The following ADGRL3 variants were observed in gnomAD, a reference collection of about 807,000 sequenced individuals.
ADGRL3 encodes the protein calcium-independent alpha-latrotoxin receptor 3.
Under a neutral mutation model 153.5 loss-of-function variants are expected in ADGRL3, and 62 were observed. The observed-to-expected ratio is 0.40, with a 90% CI of 0.33 to 0.50. The LOEUF (loss-of-function observed/expected upper bound fraction) is 0.50, where lower values mean the gene tolerates loss of function less well. ADGRL3 is among the 20% of genes least tolerant of loss of function. The probability of loss-of-function intolerance (pLI) is 0.47; values close to 1 mark genes in which losing one functional copy is unlikely to be tolerated. For missense variants in ADGRL3, 1,641 were observed against 1,859.4 expected (o/e 0.88, Z 2.16); for synonymous variants, 710 against 672.5 (o/e 1.06, Z -0.86).
Position 62,045,201 on chromosome 4 carries a change from C to A in ADGRL3, c.3814+652C>A, listed in dbSNP as rs558910730. ...ACTTTTTTTCCTTGATCTTTGCATT[C>A]TCTCTCTCTCCCTTTCTCTGTCTCT... On this transcript the variant is annotated intron_variant, in intron 25 of 26. Transcript: ENST00000683033. Among the ~76,000 whole-genome samples, 29 of 151,622 alleles carry A rather than the reference C, an allele frequency of 1.9e-4. 1 individual carries two copies. The East Asian group carries it at 5.4e-3, about 28-fold the overall frequency.
chr4:61,681,825 AT>A (rs1346626882), intron 6 of ADGRL3, among the ~76,000 whole-genome samples: 2 of 152,096 alleles, frequency 1.3e-5, no homozygotes, highest in African/African-American at 4.8e-5. Flanking sequence ...ATAATTACAT[AT>A]TTTTAACTCA....
chr4:61,501,979 A>G (rs1345051033), intron 3 of ADGRL3, among the ~76,000 whole-genome samples: 1 of 152,138 alleles, frequency 6.6e-6, no homozygotes, highest in Non-Finnish European at 1.5e-5. Context: ...CTTATCTATA[A>G]TGCAATGAGA....
At chr4:61,373,315 C>T (rs1578504670) in intron 1 of ADGRL3, among the ~76,000 whole-genome samples, 2 of 152,134 alleles carry the variant, frequency 1.3e-5, no homozygotes, top group South Asian at 4.1e-4. Context: ...GTAATAACCA[C>T]AGCATGCTAT....
intron 4 of ADGRL3, among the ~76,000 whole-genome samples, chr4:61,578,655 C>T (rs775987237): frequency 6.6e-6 from 1 of 152,030 alleles, no homozygotes; most frequent in Admixed American, 6.6e-5. Flanking sequence ...ATGCACATTT[C>T]ATTGCTCAGA....
intron 2 of ADGRL3, among the ~76,000 whole-genome samples, chr4:61,398,582 T>C (rs111707331): frequency 3.8e-4 from 57 of 151,828 alleles, no homozygotes; most frequent in African/African-American, 1.3e-3. Flanking sequence ...AATTACTTCT[T>C]TTTTGCCTTT....
intron 5 of ADGRL3, among the ~76,000 whole-genome samples, chr4:61,616,511 C>T (rs2092020290): frequency 6.6e-6 from 1 of 152,062 alleles, no homozygotes; most frequent in Admixed American, 6.6e-5. Flanking sequence ...CAAGAGACGC[C>T]TTGTCCTTCT....
intron 9 of ADGRL3, among the ~76,000 whole-genome samples, chr4:61,856,384 C>T (rs1338011488): frequency 1.4e-5 from 2 of 147,524 alleles, no homozygotes; most frequent in Non-Finnish European, 3.0e-5. Context: ...CTTCCTTCTT[C>T]CTTCCTTTCT....
At chr4:61,727,150 A>G (rs2096363028) in intron 6 of ADGRL3, among the ~76,000 whole-genome samples, 1 of 152,148 alleles carries the variant, frequency 6.6e-6, no homozygotes, top group Admixed American at 6.5e-5. Flanking sequence ...CAATAACATG[A>G]CTATATATTA....
intron 1 of ADGRL3, among the ~76,000 whole-genome samples, chr4:61,319,691 T>A (rs1230021003): frequency 3.3e-5 from 5 of 152,276 alleles, no homozygotes; most frequent in Admixed American, 3.3e-4. Context: ...ATTAATGATG[T>A]TGTTTGTAAT....
In ADGRL3 at chr4:61,996,284, A is replaced by G; in HGVS notation, c.3237-7A>G. 1 of 1,608,564 alleles carries G rather than the reference A, an allele frequency of 6.2e-7. No homozygotes were observed. The highest frequency in any genetic ancestry group is 8.5e-7 in the Non-Finnish European group (1 of 1,175,192). On this transcript the variant is annotated splice_region_variant and splice_polypyrimidine_tract_variant and intron_variant, in intron 19 of 26. Coordinates refer to ENST00000683033, the MANE Select transcript of ADGRL3 (RefSeq NM_001387552.1). ...GAATACCTTCTCTCCCTTGTGTTTC[A>G]TTGCAGATGTTGGCTCCGACTTGAC...
intron 17 of ADGRL3, among the ~76,000 whole-genome samples, chr4:61,969,219 A>G (rs116524297): frequency 0.019 from 2,867 of 152,272 alleles, 94 homozygotes; most frequent in African/African-American, 0.066. Context: ...ACAAAATGAT[A>G]ATGAATGTTT....
intron 21 of ADGRL3, among the ~76,000 whole-genome samples, chr4:62,013,976 A>G (rs905395620): frequency 2.0e-5 from 3 of 151,778 alleles, no homozygotes; most frequent in Non-Finnish European, 4.4e-5. Flanking sequence ...TTTTTTTCAA[A>G]TCATTAAAGA....
At chr4:61,584,565 T>C (rs2098938824) in intron 4 of ADGRL3, among the ~76,000 whole-genome samples, 1 of 152,034 alleles carries the variant, frequency 6.6e-6, no homozygotes, top group East Asian at 1.9e-4. Flanking sequence ...GTTATTTTTT[T>C]GTTACATTAA....
At chr4:61,204,127 C>G (rs910503985) in intron 1 of ADGRL3, among the ~76,000 whole-genome samples, 3 of 152,108 alleles carry the variant, frequency 2.0e-5, no homozygotes, top group Non-Finnish European at 4.4e-5. Flanking sequence ...GTTAATGGAA[C>G]AGTGTACTTT....
Position 61,948,292 on chromosome 4 carries a change from T to C in ADGRL3, c.2805+16T>C, listed in dbSNP as rs1469275640. The C allele has an allele frequency of 1.9e-6, 3 of 1,598,392 alleles. No homozygotes were observed. The highest frequency in any genetic ancestry group is 1.1e-5 in the South Asian group (1 of 90,310). ...GGAAGTTAAGGTAAGATATATACCA[T>C]ACAATGAAAATGTTTTAGTATATTA... On this transcript the variant is annotated intron_variant, in intron 17 of 26. Coordinates refer to ENST00000683033, the MANE Select transcript of ADGRL3 (RefSeq NM_001387552.1).
intron 13 of ADGRL3, among the ~76,000 whole-genome samples, chr4:61,922,269 T>G (rs2098773410): frequency 6.6e-6 from 1 of 152,220 alleles, no homozygotes; most frequent in South Asian, 2.1e-4. Context: ...CCATATATAC[T>G]TCTGTAATTT....
At chr4:61,715,703 G>A (rs2096095154) in intron 6 of ADGRL3, among the ~76,000 whole-genome samples, 2 of 151,994 alleles carry the variant, frequency 1.3e-5, no homozygotes, top group African/African-American at 4.8e-5. Context: ...AGCTATAGAT[G>A]TGATCTGGTT....
At position 61,354,438 on chromosome 4, in the gene ADGRL3, G is replaced by T. The variant is rs2096120436; in HGVS notation, c.-239-28686G>T. ...AGGCAATACAAATAATTACAGGATT[G>T]AAATAAATGTTAAAATGATAAGAAA... On this transcript the variant is annotated intron_variant, in intron 1 of 26. Coordinates refer to ENST00000683033, the MANE Select transcript of ADGRL3 (RefSeq NM_001387552.1). Among the ~76,000 whole-genome samples the T allele has an allele frequency of 2.0e-5, 3 of 152,134 alleles. No individual in the cohort carries two copies. In the South Asian group the frequency reaches 6.2e-4, roughly 32 times the overall value.
At chr4:61,642,526 A>C (rs1342604388) in intron 5 of ADGRL3, among the ~76,000 whole-genome samples, 1 of 152,076 alleles carries the variant, frequency 6.6e-6, no homozygotes, top group African/African-American at 2.4e-5. Context: ...TTTTCCCAGC[A>C]CCATTTATTA....
Sources: allele counts gnomAD v4.1 joint callset (sites outside exome capture counted in the v4.1 genomes callset), GRCh38; gene constraint gnomAD v4.1.1; transcripts MANE v1.5; gene names NCBI Gene and HGNC (gene_info 2026-07-23, HGNC 2026-07-21).